Variants in ERCC6 observed in about 807,000 individuals in gnomAD.
The protein encoded by ERCC6 is DNA excision repair protein ERCC-6.
In ERCC6, 116 loss-of-function variants were observed where a neutral mutation model predicts 158.7. That is an observed-to-expected ratio of 0.73 (90% CI 0.63 to 0.85). The LOEUF (loss-of-function observed/expected upper bound fraction) is 0.85, where lower values mean the gene tolerates loss of function less well. Among genes scored for constraint, ERCC6 ranks in the 40% least tolerant of loss-of-function variants. ERCC6 has a pLI of 0.00. For synonymous variants in ERCC6, 678 were observed against 659.3 expected (o/e 1.03, Z -0.43); for missense variants, 1,698 against 1,799.4 (o/e 0.94, Z 1.02).
At chr10:49,487,824 A>G (rs111528908) in intron 8 of ERCC6, among the ~76,000 whole-genome samples, 9 of 152,236 alleles carry the variant, frequency 5.9e-5, no homozygotes, top group Non-Finnish European at 7.3e-5. Flanking sequence ...TGTGTTCAGG[A>G]AGATGTATTA....
Position 49,461,461 on chromosome 10 carries a change from C to T in ERCC6, c.3874G>A (p.Asp1292Asn). Residue 1292 changes from aspartate to asparagine, a missense_variant, in exon 19 of 21, where the codon GAT becomes AAT. Physicochemically the swap from Asp to Asn is conservative, Grantham distance 23. Transcript: ENST00000355832. ...VEAEANRVAQDALKALRLSRQ... is the reference protein window; with the variant it reads ...VEAEANRVAQNALKALRLSRQ... ...GAGAGCCTCAGTGCTTTCAGGGCAT[C>T]CTGGGCCACTCGGTTGGCTTCTGCC... The T allele has an allele frequency of 6.2e-7, 1 of 1,614,180 alleles. No individual in the cohort carries two copies.
Position 49,472,948 on chromosome 10 carries a change from G to A in ERCC6, c.2790C>T (p.Val930=), listed in dbSNP as rs761941049. 4 of 1,614,062 alleles carry A rather than the reference G, an allele frequency of 2.5e-6. No homozygotes were observed. The highest frequency in any genetic ancestry group is 2.2e-5 in the South Asian group (2 of 91,080). The change falls in exon 15 of 21, where the codon GTC becomes GTT. Residue 930 remains valine (V), a synonymous_variant. Coordinates refer to ENST00000355832, the MANE Select transcript of ERCC6 (RefSeq NM_000124.4). ...GVNLTGANRV[V]IYDPDWNPST... is the part of the protein sequence containing the mutation. ...TTGGGTTCCAGTCTGGGTCATAGAT[G>A]ACAACTCTGTTTGCCCCCGTCAGGT...
At chr10:49,471,959 ATCAGAG>A (rs919158403) in intron 16 of ERCC6, among the ~76,000 whole-genome samples, 74 of 152,348 alleles carry the variant, frequency 4.9e-4, no homozygotes, top group African/African-American at 1.7e-3. Context: ...TGTAAGGGGC[ATCAGAG>A]TCAAAGACTG....
At chr10:49,481,527 G>A (rs1375814838) in intron 10 of ERCC6, among the ~76,000 whole-genome samples, 1 of 152,108 alleles carries the variant, frequency 6.6e-6, no homozygotes, top group Non-Finnish European at 1.5e-5. Context: ...CCCTTTTGGT[G>A]GAAGGTCTCA....
rs1850794374 is a variant in ERCC6 at position 49,472,300 on chromosome 10, A to G, written c.2924+76T>C. 2.8e-5 allele frequency: 37 copies of G among 1,309,672 alleles called. 1 individual carries two copies. In the South Asian group the frequency reaches 4.3e-4, roughly 15 times the overall value. The allele number at this position is 1,309,672 out of a possible 1,614,324, so 81.1% of individuals were successfully genotyped here. A position where few individuals can be genotyped will look rare whatever the true frequency, so the allele number is the denominator to read the frequency against. On this transcript the variant is annotated intron_variant, in intron 16 of 20. Transcript: ENST00000355832. The stretch of plus-strand genomic sequence containing the variant: ...TATTCTAAGATGTTAAGACTTTTAA[A>G]AACAACACTTTGGAAAAATTCCCTG...
chr10:49,478,264 A>G (rs1330020583), intron 11 of ERCC6, 90 bp downstream of exon 11: 2 of 954,056 alleles, frequency 2.1e-6, no homozygotes, highest in East Asian at 4.8e-5. Flanking sequence ...ATACCTCACC[A>G]GACTCTCTCA....
the ERCC6 span, among the ~76,000 whole-genome samples, chr10:49,438,094 C>A: frequency 1.3e-5 from 2 of 151,444 alleles, no homozygotes; most frequent in South Asian, 4.2e-4. Flanking sequence ...GGTTGCAGAT[C>A]CAACCACACT....
rs753804966 is a variant in ERCC6, at chr10:49,472,994, C to T, written c.2744G>A (p.Arg915Gln). Residue 915 changes from arginine (R) to glutamine (Q), a missense_variant, in exon 15 of 21, where the codon CGG becomes CAG. Coordinates refer to ENST00000355832, the MANE Select transcript of ERCC6 (RefSeq NM_000124.4). ...TSIFVFLLTT[R>Q]VGGLGVNLTG... is the part of the protein sequence containing the mutation. ...CAGGTTGACACCTAAGCCGCCCACC[C>T]GCGTGGTCAGAAGAAACACAAATAT... 1.6e-5 allele frequency: 26 copies of T among 1,613,954 alleles called. No homozygotes were observed. The highest frequency in any genetic ancestry group is 1.5e-4 in the African/African-American group (11 of 74,912).
chr10:49,472,534 G>C lies in ERCC6; in HGVS notation c.2830-64C>G, dbSNP rs1474837223. On this transcript the variant is annotated intron_variant, in intron 15 of 20. Coordinates refer to ENST00000355832, the MANE Select transcript of ERCC6 (RefSeq NM_000124.4). The stretch of plus-strand genomic sequence containing the variant: ...TCCCAATGACAAGCACTGACTATAA[G>C]AAACAAAGCTAGCTGGTCACTACCT... 4.5e-6 allele frequency: 7 copies of C among 1,541,974 alleles called. No homozygotes were observed. In the African/African-American group the frequency reaches 9.5e-5, roughly 21 times the overall value.
intron 7 of ERCC6, among the ~76,000 whole-genome samples, chr10:49,497,413 C>G (rs923770198): frequency 6.6e-6 from 1 of 152,222 alleles, no homozygotes; most frequent in East Asian, 1.9e-4. Flanking sequence ...TCAGGTTATA[C>G]AGTATTTTTT....
chr10:49,471,205 T>C (rs1266488130), intron 16 of ERCC6, 85 bp from the exon 17 acceptor site: 17 of 1,334,542 alleles, frequency 1.3e-5, no homozygotes, highest in Non-Finnish European at 1.8e-5. Context: ...AAGAGAGAGA[T>C]GATAACAGCT....
rs4253036 is a variant in ERCC6, at chr10:49,529,161, C to A, written c.544-636G>T. Reference sequence around the variant, plus strand: ...GTGCCCTTGGGCTTCACTGGGGAGGCCCAATGAACTGGGCTTGTGGTACCT... The same window carrying A: ...GTGCCCTTGGGCTTCACTGGGGAGGACCAATGAACTGGGCTTGTGGTACCT... On this transcript the variant is annotated intron_variant, in intron 3 of 20. Coordinates refer to ENST00000355832, the MANE Select transcript of ERCC6 (RefSeq NM_000124.4). 3.4e-3 allele frequency among the ~76,000 whole-genome samples: 514 copies of A among 152,324 alleles called. 2 individuals are homozygous for A. The highest frequency in any genetic ancestry group is 0.012 in the African/African-American group (490 of 41,566).
At chr10:49,505,809 A>G (rs574196051) in intron 6 of ERCC6, 75 bp downstream of exon 6, 3 of 1,582,562 alleles carry the variant, frequency 1.9e-6, no homozygotes, top group East Asian at 2.2e-5. Context: ...GGTAACTACT[A>G]TGTAATTCCT....
chr10:49,528,476 A>G lies in ERCC6; in HGVS notation c.593T>C (p.Ile198Thr). 3.7e-6 allele frequency: 6 copies of G among 1,614,192 alleles called. No individual in the cohort carries two copies. The highest frequency in any genetic ancestry group is 5.1e-6 in the Non-Finnish European group (6 of 1,180,034). Residue 198 changes from isoleucine to threonine, a missense_variant, in exon 4 of 21, where the codon ATC becomes ACC. Physicochemically the swap from Ile to Thr is moderately conservative, Grantham distance 89. Transcript: ENST00000355832. ...ITAKQKHLQA[I>T]LGGAEVKIEL... ...AATTTTCACCTCTGCTCCTCCAAGG[A>G]TGGCCTGGAGATGCTTTTGTTTTGC...
the ERCC6 span, among the ~76,000 whole-genome samples, chr10:49,447,533 C>CA: frequency 6.6e-6 from 1 of 151,532 alleles, no homozygotes; most frequent in Non-Finnish European, 1.5e-5. Flanking sequence ...TAAAAAAATA[C>CA]AAAAAAAATT....
At chr10:49,498,625 A>G (rs765127198) in intron 7 of ERCC6, among the ~76,000 whole-genome samples, 3 of 152,228 alleles carry the variant, frequency 2.0e-5, no homozygotes, top group African/African-American at 2.4e-5. Context: ...GATGTAGTCC[A>G]ATATGCCACA....
At position 49,470,931 on chromosome 10, in the gene ERCC6, C is replaced by T; in HGVS notation, c.3071-42G>A. On this transcript the variant is annotated intron_variant, in intron 17 of 20. Transcript: ENST00000355832. ...CACCACTAATACTATATTGTATCATCTTGTGCAATTGATTACTTTAAATTA... is the reference window on the plus strand; with the variant it reads ...CACCACTAATACTATATTGTATCATTTTGTGCAATTGATTACTTTAAATTA... 3.7e-6 allele frequency: 6 copies of T among 1,613,628 alleles called. No homozygotes were observed. In the South Asian group the frequency reaches 6.6e-5, roughly 18 times the overall value.
intron 12 of ERCC6, 41 bp downstream of exon 12, chr10:49,476,174 G>T: frequency 2.2e-6 from 3 of 1,365,204 alleles, no homozygotes; most frequent in South Asian, 1.2e-5. Flanking sequence ...CACTTCTCTT[G>T]GTCCACAATT....
At chr10:49,526,085 TTATATTTATATATTTATATATTTA>T (rs1273185769) in intron 4 of ERCC6, among the ~76,000 whole-genome samples, 5 of 128,850 alleles carry the variant, frequency 3.9e-5, no homozygotes, top group Non-Finnish European at 8.0e-5. Context: ...TTGGTTTTAT[TTATATTTATATATTTATATATTTA>T]TATATTTTTA....
Sources: allele counts gnomAD v4.1 joint callset (sites outside exome capture counted in the v4.1 genomes callset), GRCh38; gene constraint gnomAD v4.1.1; transcripts MANE v1.5; gene names NCBI Gene and HGNC (gene_info 2026-07-23, HGNC 2026-07-21).